The following AP3D1 variants were observed in gnomAD, a reference collection of about 807,000 sequenced individuals.
AP3D1 encodes the protein AP-3 complex subunit delta-1.
Under a neutral mutation model 147.6 loss-of-function variants are expected in AP3D1, and 51 were observed. The observed-to-expected ratio is 0.35, with a 90% CI of 0.28 to 0.44. The LOEUF (loss-of-function observed/expected upper bound fraction) is 0.44. Among genes scored for constraint, AP3D1 ranks in the 20% least tolerant of loss-of-function variants. AP3D1 has a pLI of 1.00. For missense variants in AP3D1, 1,421 were observed against 1,624.2 expected (o/e 0.87, Z 2.15); for synonymous variants, 760 against 663.0 (o/e 1.15, Z -2.25).
At chr19:2,114,006 T>C (rs758159094) in intron 22 of AP3D1, 119 bp downstream of exon 22, 47 of 1,452,640 alleles carry the variant, frequency 3.2e-5, no homozygotes, top group Non-Finnish European at 4.2e-5. Context: ...GCGAGGCGGC[T>C]GGCACTCGCT....
chr19:2,124,704 G>C (rs982364217), intron 9 of AP3D1, among the ~76,000 whole-genome samples: 9 of 152,236 alleles, frequency 5.9e-5, no homozygotes, highest in Non-Finnish European at 1.5e-5. Flanking sequence ...GCTTTGGGAG[G>C]CTGAGGCGGG....
intron 21 of AP3D1, 71 bp downstream of exon 21, chr19:2,114,676 GA>G: frequency 8.9e-7 from 1 of 1,121,042 alleles, no homozygotes; most frequent in Non-Finnish European, 1.3e-6. Context: ...GCCCCACCCG[GA>G]AGGGAGGACG....
At position 2,120,986 on chromosome 19, in the gene AP3D1, T is replaced by C. The variant is rs528509434; in HGVS notation, c.1357A>G (p.Lys453Glu). 6.2e-7 allele frequency: 1 copy of C among 1,612,146 alleles called. No homozygotes were observed. Residue 453 changes from lysine to glutamate, a missense_variant, in exon 14 of 32, where the codon AAG becomes GAG. Physicochemically the swap from Lys to Glu is moderately conservative, Grantham distance 56. Coordinates refer to ENST00000643116, the MANE Select transcript of AP3D1 (RefSeq NM_001261826.3). ...DVAIRVKAIR[K>E]FAVSQMSALL... ...GCAGACATCTGGGACACGGCGAACTTGCGGATGGCCTTCACGCGGATGGCC... is the reference window on the plus strand; with the variant it reads ...GCAGACATCTGGGACACGGCGAACTCGCGGATGGCCTTCACGCGGATGGCC...
At chr19:2,151,579 G>T (rs1051944137), upstream of AP3D1, 1 of 156,374 alleles carries the variant, frequency 6.4e-6, no homozygotes, top group Non-Finnish European at 1.4e-5. Flanking sequence ...GTCAGCTGAC[G>T]ACGAGCGCCC....
intron 24 of AP3D1, 135 bp downstream of exon 24, chr19:2,112,725 C>T: frequency 1.7e-6 from 1 of 599,848 alleles, no homozygotes; most frequent in South Asian, 2.2e-5. Context: ...CAACAAAAGG[C>T]CCGTGAGAAC....
At position 2,151,189 on chromosome 19, in the gene AP3D1, G is replaced by A. The variant is rs992670244; in HGVS notation, c.96+50C>T. On this transcript the variant is annotated intron_variant, in intron 1 of 31. Transcript: ENST00000643116. ...GGCCCAGTGAGCAGGGCTGGGCCCT[G>A]GGCCGGGGCTGTGACCAGGCCGAGC... The A allele has an allele frequency of 7.0e-6, 11 of 1,563,664 alleles. No homozygotes were observed. In the South Asian group the frequency reaches 1.3e-4, roughly 18 times the overall value.
chr19:2,132,375 C>T (rs886972285), intron 5 of AP3D1, 96 bp downstream of exon 5: 7 of 1,145,184 alleles, frequency 6.1e-6, no homozygotes, highest in South Asian at 2.9e-5. Flanking sequence ...GGACCCCGGC[C>T]GGTTTCCGCA....
In AP3D1 at chr19:2,144,258, A is replaced by G. The variant is rs567805369; in HGVS notation, c.97-5544T>C. Reference sequence around the variant, plus strand: ...AGAACCCCAGAAGCAGCATGAAAGGAGCTTCTCCTGCGGAGCGCTCTGCTC... The same window carrying G: ...AGAACCCCAGAAGCAGCATGAAAGGGGCTTCTCCTGCGGAGCGCTCTGCTC... On this transcript the variant is annotated intron_variant, in intron 1 of 31. Transcript: ENST00000643116. Among the ~76,000 whole-genome samples the G allele has an allele frequency of 2.0e-5, 3 of 152,300 alleles. No individual in the cohort carries two copies. In the East Asian group the frequency reaches 5.8e-4, roughly 29 times the overall value.
chr19:2,104,134 CCCAACGCCAAGACACCAACACTCAGACT>C, intron 31 of AP3D1, among the ~76,000 whole-genome samples: 1 of 149,558 alleles, frequency 6.7e-6, no homozygotes, highest in East Asian at 2.0e-4. Flanking sequence ...ACACTCAGAC[CCCAACGCCAAGACACCAACACTCAGACT>C]CCAACACCGA....
At position 2,138,602 on chromosome 19, in the gene AP3D1, C is replaced by A. The variant is rs748524153; in HGVS notation, c.192+17G>T. Reference sequence around the variant, plus strand: ...CAGCCCGACAGTGCTGGGCGCTGGCCACTGGGAGGCACTTACATACGTCAG... The same window carrying A: ...CAGCCCGACAGTGCTGGGCGCTGGCAACTGGGAGGCACTTACATACGTCAG... On this transcript the variant is annotated intron_variant, in intron 2 of 31. Transcript: ENST00000643116. The A allele has an allele frequency of 3.7e-6, 6 of 1,606,738 alleles. No individual in the cohort carries two copies.
intron 1 of AP3D1, chr19:2,164,202 G>A (rs1599515380): frequency 7.8e-7 from 1 of 1,274,180 alleles, no homozygotes; most frequent in African/African-American, 1.5e-5. Flanking sequence ...AGAAGCTGGA[G>A]CTGAGACTGA....
At chr19:2,152,582 A>G (rs1352161571), upstream of AP3D1, among the ~76,000 whole-genome samples, 1 of 150,758 alleles carries the variant, frequency 6.6e-6, no homozygotes, top group Non-Finnish European at 1.5e-5. Flanking sequence ...CGCAATAAAA[A>G]CTGGGGTAAG....
upstream of AP3D1, among the ~76,000 whole-genome samples, chr19:2,153,318 G>A (rs1439632968): frequency 6.7e-6 from 1 of 150,224 alleles, no homozygotes. Flanking sequence ...AGGTTGCAGT[G>A]AGCTGAGATT....
chr19:2,150,771 G>A (rs894099919), intron 1 of AP3D1, among the ~76,000 whole-genome samples: 1 of 152,204 alleles, frequency 6.6e-6, no homozygotes, highest in South Asian at 2.1e-4. Context: ...GTCCGGGGGC[G>A]GGGCCCGGGC....
chr19:2,114,882 T>A (rs2018396008), intron 20 of AP3D1, 61 bp from the exon 21 acceptor site: 5 of 1,575,810 alleles, frequency 3.2e-6, no homozygotes, highest in Non-Finnish European at 3.5e-6. Context: ...TGGAACGCCA[T>A]CTATCTGGGA....
chr19:2,109,834 G>A, intron 29 of AP3D1, 39 bp downstream of exon 29: 1 of 1,589,952 alleles, frequency 6.3e-7, no homozygotes, highest in South Asian at 1.1e-5. Flanking sequence ...GGGAGGCGGA[G>A]GGGGTTCGGG....
chr19:2,160,411 C>T (rs2019686871), intron 1 of AP3D1, among the ~76,000 whole-genome samples: 1 of 152,148 alleles, frequency 6.6e-6, no homozygotes, highest in Non-Finnish European at 1.5e-5. Flanking sequence ...TGCCTGTAAT[C>T]CCCGCTACTC....
intron 8 of AP3D1, among the ~76,000 whole-genome samples, chr19:2,127,466 C>A (rs144482248): frequency 6.6e-6 from 1 of 152,054 alleles, no homozygotes; most frequent in African/African-American, 2.4e-5. Context: ...GCACCCCCGG[C>A]GGCCTGTGAG....
Position 2,110,772 on chromosome 19 carries a change from C to T in AP3D1, c.3110G>A (p.Arg1037Lys). 1.2e-6 allele frequency: 2 copies of T among 1,612,926 alleles called. No homozygotes were observed. Among genetic ancestry groups the T allele is most frequent in the Non-Finnish European group, 1.7e-6 (2 of 1,179,920 alleles). ...GGAGGAGCCCTGCGGCCGGGCCATCCTGGCATTGAGTGAGTCCAGCACGCT... is the reference window on the plus strand; with the variant it reads ...GGAGGAGCCCTGCGGCCGGGCCATCTTGGCATTGAGTGAGTCCAGCACGCT... ...ELSVLDSLNA[R>K]MARPQGSSVH... Residue 1037 changes from arginine to lysine, a missense_variant, in exon 27 of 32, where the codon AGG (arginine) becomes AAG (lysine). By Grantham distance (26) the Arg-to-Lys change is conservative (BLOSUM62 2). Transcript: ENST00000643116.
Sources: allele counts gnomAD v4.1 joint callset (sites outside exome capture counted in the v4.1 genomes callset), GRCh38; gene constraint gnomAD v4.1.1; transcripts MANE v1.5; gene names NCBI Gene and HGNC (gene_info 2026-07-23, HGNC 2026-07-21).